Variants in SCARB2 observed in about 807,000 individuals in gnomAD.
SCARB2 encodes the protein scavenger receptor class B member 2, also known as lysosome membrane protein 2.
In SCARB2, 29 loss-of-function variants were observed where a neutral mutation model predicts 58.6. The observed-to-expected ratio is 0.49, with a 90% CI of 0.37 to 0.67. The LOEUF (loss-of-function observed/expected upper bound fraction) is 0.67, where lower values mean the gene tolerates loss of function less well. Ranked by LOEUF, SCARB2 falls within the 30% of genes least tolerant of loss-of-function variation. The pLI is 0.00. For missense variants in SCARB2, 488 were observed against 578.5 expected, an observed-to-expected ratio of 0.84 and a Z score of 1.60; for synonymous variants, 195 against 210.1, an observed-to-expected ratio of 0.93 and a Z score of 0.62.
At position 76,233,586 on chromosome 4, in the gene SCARB2, G is replaced by GCACA. The variant is rs34421184; in HGVS notation, c.-358+713_-358+716dup. On this transcript the variant is annotated intron_variant, in intron 1 of 11. Transcript: ENST00000638295. ...TTTTACAGACATCACACACACACACGCACACACACACACACACATATGTAA... is the reference window on the plus strand; with the variant it reads ...TTTTACAGACATCACACACACACACGCACACACACACACACACACACATATGTAA... Among the ~76,000 whole-genome samples the GCACA allele has an allele frequency of 2.0e-5, 3 of 150,760 alleles. No individual in the cohort carries two copies. In the East Asian group the frequency reaches 5.8e-4, roughly 29 times the overall value.
At chr4:76,197,060 C>G (rs765682560) in intron 1 of SCARB2, among the ~76,000 whole-genome samples, 2 of 152,160 alleles carry the variant, frequency 1.3e-5, no homozygotes, top group Non-Finnish European at 2.9e-5. Context: ...AACTGACAGC[C>G]CTCTACAAGC....
chr4:76,234,357 G>A (rs1219887555), exon 1 of SCARB2: 1 of 152,582 alleles, frequency 6.6e-6, no homozygotes, highest in Non-Finnish European at 1.5e-5. Context: ...TTTCCTTTGT[G>A]AAGCTAAAGA....
chr4:76,209,647 G>A (rs1221724881), intron 1 of SCARB2, among the ~76,000 whole-genome samples: 6 of 152,230 alleles, frequency 3.9e-5, no homozygotes, highest in East Asian at 3.8e-4. Context: ...GATAACAGGC[G>A]TGAGCCACCA....
chr4:76,186,018 T>A (rs1199543364), intron 2 of SCARB2, among the ~76,000 whole-genome samples: 1 of 152,192 alleles, frequency 6.6e-6, no homozygotes, highest in Non-Finnish European at 1.5e-5. Context: ...ACTGATACCA[T>A]GTGCAACGGC....
chr4:76,231,861 G>T (rs1003545189), intron 1 of SCARB2, among the ~76,000 whole-genome samples: 16 of 152,188 alleles, frequency 1.1e-4, no homozygotes, highest in Non-Finnish European at 2.1e-4. Context: ...GTAAACAAGG[G>T]TATGAGGCCA....
At chr4:76,188,328 T>C (rs1732529686) in intron 2 of SCARB2, among the ~76,000 whole-genome samples, 1 of 152,090 alleles carries the variant, frequency 6.6e-6, no homozygotes, top group Non-Finnish European at 1.5e-5. Context: ...TCTGCAGCTT[T>C]ACAAAAATGT....
At chr4:76,203,614 A>T (rs77758913) in intron 1 of SCARB2, among the ~76,000 whole-genome samples, 3,603 of 152,328 alleles carry the variant, frequency 0.024, 125 homozygotes, top group African/African-American at 0.082. Flanking sequence ...TTGGGTACAC[A>T]GAAGGCTGGT....
rs147124374 is a variant in SCARB2, at chr4:76,209,437, T to C, written c.117+3990A>G. Among the ~76,000 whole-genome samples the C allele has an allele frequency of 9.7e-3, 1,473 of 152,258 alleles. 25 individuals carry two copies. Among genetic ancestry groups the C allele is most frequent in the African/African-American group, 0.034 (1,398 of 41,544 alleles). On this transcript the variant is annotated intron_variant, in intron 1 of 11. Coordinates refer to ENST00000264896, the MANE Select transcript of SCARB2 (RefSeq NM_005506.4). ...AGGCTGGAGTTCAAGGGAGCCATCT[T>C]GGCTCACTGCAACCTCCGCCTCCCG...
intron 1 of SCARB2, among the ~76,000 whole-genome samples, chr4:76,224,400 G>A (rs576878241): frequency 6.6e-6 from 1 of 152,252 alleles, no homozygotes; most frequent in East Asian, 1.9e-4. Flanking sequence ...GAGAGGAGGG[G>A]CTGTCTTTCT....
chr4:76,195,522 T>C (rs2109960651), intron 2 of SCARB2, 185 bp downstream of exon 2: 3 of 608,122 alleles, frequency 4.9e-6, no homozygotes, highest in Non-Finnish European at 8.8e-6. Flanking sequence ...TGGCCCAGTC[T>C]ACAAAGCCAT....
intron 2 of SCARB2, among the ~76,000 whole-genome samples, chr4:76,190,424 G>T (rs1732580431): frequency 6.6e-6 from 1 of 152,178 alleles, no homozygotes; most frequent in Admixed American, 6.6e-5. Context: ...GTAGCGCTGA[G>T]GAATTCATTC....
At chr4:76,175,699 A>G (rs1732238081) in intron 6 of SCARB2, 92 bp downstream of exon 6, 12 of 1,434,716 alleles carry the variant, frequency 8.4e-6, no homozygotes, top group Non-Finnish European at 1.2e-5. Context: ...TCCATGCATA[A>G]TAAGTGTGTC....
At chr4:76,231,639 C>T (rs535314946) in intron 1 of SCARB2, among the ~76,000 whole-genome samples, 136 of 152,308 alleles carry the variant, frequency 8.9e-4, no homozygotes, top group African/African-American at 3.2e-3. Flanking sequence ...TTATTATTTC[C>T]GCAAAGGCCT....
At chr4:76,209,124 T>C (rs1033642871) in intron 1 of SCARB2, among the ~76,000 whole-genome samples, 2 of 152,182 alleles carry the variant, frequency 1.3e-5, no homozygotes, top group African/African-American at 4.8e-5. Context: ...ATTTAAGATA[T>C]CTTTACAGGT....
At chr4:76,182,200 T>C (rs1052631500) in intron 2 of SCARB2, among the ~76,000 whole-genome samples, 1 of 152,230 alleles carries the variant, frequency 6.6e-6, no homozygotes, top group Non-Finnish European at 1.5e-5. Flanking sequence ...TCTTTCCCTT[T>C]GCTTATCTTT....
intron 1 of SCARB2, among the ~76,000 whole-genome samples, chr4:76,211,042 G>A (rs1353915083): frequency 6.6e-6 from 1 of 152,186 alleles, no homozygotes; most frequent in Non-Finnish European, 1.5e-5. Flanking sequence ...TGGCAATAAA[G>A]ATGACTGCCA....
chr4:76,187,259 A>G (rs373390023), intron 2 of SCARB2, among the ~76,000 whole-genome samples: 1 of 152,248 alleles, frequency 6.6e-6, no homozygotes, highest in East Asian at 1.9e-4. Context: ...TGACTACAAC[A>G]CATTTTAAAA....
intron 2 of SCARB2, among the ~76,000 whole-genome samples, chr4:76,181,321 C>A (rs547273361): frequency 6.4e-4 from 97 of 152,288 alleles, no homozygotes; most frequent in African/African-American, 2.3e-3. Flanking sequence ...CTTTGTTTTC[C>A]TTCTTTTCTT....
At chr4:76,197,535 T>G (rs1440431762) in intron 1 of SCARB2, among the ~76,000 whole-genome samples, 1 of 150,626 alleles carries the variant, frequency 6.6e-6, no homozygotes, top group African/African-American at 2.5e-5. Context: ...ACCCACATAT[T>G]ATTGTTATAA....
Sources: gnomAD v4.1 joint callset for allele counts (sites outside exome capture counted in the v4.1 genomes callset) on GRCh38, gnomAD v4.1.1 for gene constraint, MANE v1.5 for transcripts, NCBI Gene and HGNC (gene_info 2026-07-23, HGNC 2026-07-21) for gene names.